Variants in TNFRSF8 observed in about 807,000 individuals in gnomAD.
TNFRSF8 encodes the protein tumor necrosis factor receptor superfamily member 8.
In TNFRSF8, 26 loss-of-function variants were observed where a neutral mutation model predicts 70.8. The observed-to-expected ratio is 0.37, with a 90% confidence interval of 0.27 to 0.51. TNFRSF8 has a LOEUF of 0.51. Among genes scored for constraint, TNFRSF8 ranks in the 20% least tolerant of loss-of-function variants. The pLI is 0.94. For synonymous variants in TNFRSF8, 356 were observed against 339.2 expected (o/e 1.05, Z -0.54); for missense variants, 720 against 807.9 (o/e 0.89, Z 1.32).
intron 12 of TNFRSF8, among the ~76,000 whole-genome samples, chr1:12,134,849 T>C (rs1214817304): frequency 1.3e-5 from 2 of 152,114 alleles, no homozygotes; most frequent in Non-Finnish European, 1.5e-5. Flanking sequence ...TTCGGGGCTC[T>C]CCACACCCTG....
At chr1:12,120,153 A>C (rs1049770356) in intron 8 of TNFRSF8, among the ~76,000 whole-genome samples, 7 of 152,188 alleles carry the variant, frequency 4.6e-5, no homozygotes, top group African/African-American at 1.7e-4. Context: ...TTCTTCCTAT[A>C]TCCTCTCCTA....
chr1:12,112,309 G>C lies in TNFRSF8; in HGVS notation c.793+295G>C, dbSNP rs1411325937. On this transcript the variant is annotated intron_variant, in intron 7 of 14. Transcript: ENST00000263932. This position sits in a 1 kb window ranked among gnomAD's most constrained non-coding sequence, Gnocchi z 5.3. ...AAGTCAGGGAACTTCCAAGGGCTGT[G>C]GGCTGGAGTTTGAACCCAGACAGGT... Among the ~76,000 whole-genome samples the C allele has an allele frequency of 6.6e-6, 1 of 152,094 alleles. No homozygotes were observed. The highest frequency in any genetic ancestry group is 1.5e-5 in the Non-Finnish European group (1 of 68,018).
At chr1:12,092,403 C>T (rs930115361) in intron 2 of TNFRSF8, among the ~76,000 whole-genome samples, 3 of 152,076 alleles carry the variant, frequency 2.0e-5, no homozygotes, top group African/African-American at 7.2e-5. Context: ...AAACTCCTGG[C>T]CTCAAGTGAT....
chr1:12,095,523 T>C (rs1001700005), intron 2 of TNFRSF8, among the ~76,000 whole-genome samples: 1 of 152,136 alleles, frequency 6.6e-6, no homozygotes, highest in Non-Finnish European at 1.5e-5. Flanking sequence ...CCTGACCTTA[T>C]GTGATTCACC....
chr1:12,079,212 C>G (rs1223491046), intron 1 of TNFRSF8, among the ~76,000 whole-genome samples: 1 of 152,182 alleles, frequency 6.6e-6, no homozygotes, highest in Non-Finnish European at 1.5e-5. Flanking sequence ...GAAAACCAAA[C>G]CAACCTGAAA....
At chr1:12,125,290 A>G (rs895342108) in intron 10 of TNFRSF8, among the ~76,000 whole-genome samples, 1 of 152,226 alleles carries the variant, frequency 6.6e-6, no homozygotes, top group African/African-American at 2.4e-5. Context: ...GATAGGGGTT[A>G]AGAGCGTGGC....
Position 12,112,034 on chromosome 1 carries a change from C to G in TNFRSF8, c.793+20C>G, listed in dbSNP as rs2101007625. The G allele has an allele frequency of 1.3e-6, 2 of 1,590,412 alleles. No homozygotes were observed. The highest frequency in any genetic ancestry group is 1.7e-6 in the Non-Finnish European group (2 of 1,159,788). Reference sequence around the variant, plus strand: ...CTCGAGGTAAGGGCCTCGTCCCTCCCCGGGCCTCAGTTTACCTCTCTGCAT... The same window carrying G: ...CTCGAGGTAAGGGCCTCGTCCCTCCGCGGGCCTCAGTTTACCTCTCTGCAT... On this transcript the variant is annotated intron_variant, in intron 7 of 14. Transcript: ENST00000263932. This position sits in a 1 kb window ranked among gnomAD's most constrained non-coding sequence, Gnocchi z 5.3.
At chr1:12,086,035 G>T (rs1454206492) in intron 2 of TNFRSF8, among the ~76,000 whole-genome samples, 1 of 152,214 alleles carries the variant, frequency 6.6e-6, no homozygotes, top group African/African-American at 2.4e-5. Flanking sequence ...AAGTGGGCGG[G>T]CATCGTCTGG....
In TNFRSF8 at chr1:12,089,819, G is replaced by A. The variant is rs148244220; in HGVS notation, c.151+5268G>A. On this transcript the variant is annotated intron_variant, in intron 2 of 14. Transcript: ENST00000263932. ...TCTGCATCCACCCATCCATCCATCC[G>A]TTCATCTACACATCCATCTACCCAT... 2.1e-4 allele frequency among the ~76,000 whole-genome samples: 31 copies of A among 150,700 alleles called. No individual in the cohort carries two copies. In the South Asian group the frequency reaches 2.3e-3, roughly 11 times the overall value.
intron 13 of TNFRSF8, among the ~76,000 whole-genome samples, chr1:12,137,825 G>T (rs1349862270): frequency 2.6e-5 from 4 of 151,942 alleles, no homozygotes; most frequent in African/African-American, 9.7e-5. Flanking sequence ...AGATGCCAGG[G>T]TTCAAATCCT....
Position 12,110,274 on chromosome 1 carries a change from G to T in TNFRSF8, c.676+70G>T. ...ATTGGTGGATGGCCCATGAGTGGGG[G>T]TGTTTGGAGCAGGCGGGCAGTGATC... On this transcript the variant is annotated intron_variant, in intron 6 of 14. Transcript: ENST00000263932. This position sits in a 1 kb window ranked among gnomAD's most constrained non-coding sequence, Gnocchi z 4.0. The T allele has an allele frequency of 6.8e-7, 1 of 1,463,662 alleles. No individual in the cohort carries two copies. The highest frequency in any genetic ancestry group is 9.1e-7 in the Non-Finnish European group (1 of 1,095,706). The allele number at this position is 1,463,662 out of a possible 1,614,324, so 90.7% of individuals were successfully genotyped here. A position where few individuals can be genotyped will look rare whatever the true frequency, so the allele number is the denominator to read the frequency against.
intron 1 of TNFRSF8, among the ~76,000 whole-genome samples, chr1:12,082,383 A>C (rs1234361722): frequency 6.6e-6 from 1 of 151,988 alleles, no homozygotes; most frequent in African/African-American, 2.4e-5. Flanking sequence ...CAGTCTCTAC[A>C]AAAAAATAAA....
intron 1 of TNFRSF8, among the ~76,000 whole-genome samples, chr1:12,079,378 C>G (rs190926419): frequency 9.8e-5 from 15 of 152,322 alleles, no homozygotes; most frequent in African/African-American, 2.9e-4. Context: ...AAAGCCCCCC[C>G]TCCAGTCCTT....
At chr1:12,067,397 T>C (rs1311627292) in intron 1 of TNFRSF8, among the ~76,000 whole-genome samples, 1 of 152,060 alleles carries the variant, frequency 6.6e-6, no homozygotes, top group African/African-American at 2.4e-5. Flanking sequence ...CATGAAAGTA[T>C]CTTAGCTGGG....
At chr1:12,133,995 G>A (rs1346347557) in intron 12 of TNFRSF8, among the ~76,000 whole-genome samples, 1 of 152,090 alleles carries the variant, frequency 6.6e-6, no homozygotes, top group Non-Finnish European at 1.5e-5. Context: ...AGCCAAGATC[G>A]TGCCACTGCA....
chr1:12,070,261 C>CT (rs1253339842), intron 1 of TNFRSF8, among the ~76,000 whole-genome samples: 1 of 151,846 alleles, frequency 6.6e-6, no homozygotes, highest in Admixed American at 6.6e-5. Context: ...CTTTTCTTTT[C>CT]TTTTTTTGAG....
intron 2 of TNFRSF8, among the ~76,000 whole-genome samples, chr1:12,094,058 C>CA (rs778868213): frequency 0.054 from 4,531 of 84,520 alleles, 260 homozygotes; most frequent in African/African-American, 0.14. Flanking sequence ...GACTTTGTCT[C>CA]AAAAAAAAAA....
chr1:12,135,146 T>C (rs1642121290), intron 12 of TNFRSF8, among the ~76,000 whole-genome samples: 1 of 151,644 alleles, frequency 6.6e-6, no homozygotes, highest in South Asian at 2.1e-4. Flanking sequence ...AAACCCCGTC[T>C]CTACTGAAAA....
In TNFRSF8 at chr1:12,141,688, G is replaced by A. The variant is rs1407612336; in HGVS notation, c.1544-599G>A. Among the ~76,000 whole-genome samples the A allele has an allele frequency of 6.6e-6, 1 of 152,242 alleles. No individual in the cohort carries two copies. The highest frequency in any genetic ancestry group is 1.9e-4 in the East Asian group (1 of 5,194). On this transcript the variant is annotated intron_variant, in intron 14 of 14. Transcript: ENST00000263932. The surrounding 1 kb of genome is among the most constrained non-coding windows in gnomAD (Gnocchi z 5.4). ...GACTTGCAGTAGTAGAACCAGGAAT[G>A]TTCCCGGGCAAGCTGGACAAGTTGG...
Sources: gnomAD v4.1 joint callset for allele counts (sites outside exome capture counted in the v4.1 genomes callset) on GRCh38, gnomAD v4.1.1 for gene constraint, Gnocchi (gnomAD v3.1) non-coding constraint, MANE v1.5 for transcripts, NCBI Gene and HGNC (gene_info 2026-07-23, HGNC 2026-07-21) for gene names.